The following BCAR3 variants were observed in gnomAD, a reference collection of about 807,000 sequenced individuals.
BCAR3 encodes the protein breast cancer anti-estrogen resistance protein 3.
A neutral mutation model predicts 80.1 loss-of-function variants in BCAR3; 37 were observed. The observed-to-expected ratio is 0.46, with a 90% CI of 0.36 to 0.61. BCAR3 has a LOEUF of 0.61. Ranked by LOEUF, BCAR3 falls within the 20% of genes least tolerant of loss-of-function variation. The pLI is 0.00. For synonymous variants in BCAR3, 389 were observed against 418.9 expected, an observed-to-expected ratio of 0.93 and a Z score of 0.87; for missense variants, 978 against 1,068.2, an observed-to-expected ratio of 0.92 and a Z score of 1.18.
intron 2 of BCAR3, among the ~76,000 whole-genome samples, chr1:93,771,081 A>T (rs766453504): frequency 8.5e-5 from 13 of 152,360 alleles, no homozygotes; most frequent in Middle Eastern, 3.4e-3. Context: ...AATGTTTATT[A>T]AGCATTTACT....
intron 2 of BCAR3, among the ~76,000 whole-genome samples, chr1:93,767,120 A>G (rs17110411): frequency 0.12 from 17,771 of 152,168 alleles, 1,457 homozygotes; most frequent in African/African-American, 0.22. Flanking sequence ...CGAGACTATC[A>G]AGATCCATCT....
chr1:93,733,168 G>A (rs1650853286), intron 2 of BCAR3, among the ~76,000 whole-genome samples: 1 of 152,064 alleles, frequency 6.6e-6, no homozygotes, highest in Admixed American at 6.6e-5. Flanking sequence ...TAAGTGCACT[G>A]AAAACTCCAA....
At chr1:93,845,502 A>ATACATATATATATATCTCATGTTGTCAAG in intron 2 of BCAR3, 1 of 113,822 alleles carries the variant, frequency 8.8e-6, no homozygotes, top group South Asian at 2.6e-4. Flanking sequence ...ATATATATAT[A>ATACATATATATATATCTCATGTTGTCAAG]AAACTTTGTT....
intron 2 of BCAR3, among the ~76,000 whole-genome samples, chr1:93,650,006 A>T (rs1441218621): frequency 4.6e-5 from 7 of 151,782 alleles, no homozygotes; most frequent in Non-Finnish European, 7.4e-5. Context: ...ATGATCCCTT[A>T]AACGAGAACT....
At chr1:93,753,733 G>A (rs190837031) in intron 2 of BCAR3, 1 of 152,308 alleles carries the variant, frequency 6.6e-6, no homozygotes, top group East Asian at 1.9e-4. Context: ...TGCTGGGCTG[G>A]TTTTGGGGTT....
At chr1:93,665,975 C>T (rs1235519642) in intron 2 of BCAR3, among the ~76,000 whole-genome samples, 1 of 152,170 alleles carries the variant, frequency 6.6e-6, no homozygotes, top group South Asian at 2.1e-4. Flanking sequence ...CAAACTATAT[C>T]TCGAATCCAC....
chr1:93,844,707 T>C (rs1655081783), intron 2 of BCAR3, among the ~76,000 whole-genome samples: 2 of 151,678 alleles, frequency 1.3e-5, no homozygotes, highest in South Asian at 2.1e-4. Context: ...TTTCTTCTTT[T>C]TTTTTTTTTT....
At chr1:93,764,906 C>T (rs1652090241) in intron 2 of BCAR3, among the ~76,000 whole-genome samples, 1 of 152,198 alleles carries the variant, frequency 6.6e-6, no homozygotes, top group African/African-American at 2.4e-5. Flanking sequence ...GCCACATCCA[C>T]AGTCCTAGGG....
chr1:93,574,366 G>C (rs1324222408), intron 8 of BCAR3, among the ~76,000 whole-genome samples: 1 of 152,152 alleles, frequency 6.6e-6, no homozygotes, highest in Non-Finnish European at 1.5e-5. Context: ...TGACACATCA[G>C]GACCTCTATA....
chr1:93,816,791 C>G lies in BCAR3; in HGVS notation c.-63+28776G>C, dbSNP rs149114315. Among the ~76,000 whole-genome samples, 15 of 151,466 alleles carry G rather than the reference C, an allele frequency of 9.9e-5. No homozygotes were observed. The East Asian group carries it at 2.9e-3, about 29-fold the overall frequency. On this transcript the variant is annotated intron_variant, in intron 2 of 13. Coordinates refer to the BCAR3 transcript ENST00000370244. ...TTCTTGATTGACAATGTCAAAACAA[C>G]CACCATAGCTAGGAACAAGATATTC...
At chr1:93,651,397 T>C (rs1676322852) in intron 2 of BCAR3, among the ~76,000 whole-genome samples, 2 of 152,248 alleles carry the variant, frequency 1.3e-5, no homozygotes, top group Non-Finnish European at 2.9e-5. Flanking sequence ...GATGGTCCTC[T>C]GTCCAGACTG....
At chr1:93,618,791 GAA>G (rs1675215607) in intron 3 of BCAR3, among the ~76,000 whole-genome samples, 1 of 152,158 alleles carries the variant, frequency 6.6e-6, no homozygotes, top group Non-Finnish European at 1.5e-5. Flanking sequence ...GAGATTCTAT[GAA>G]AGTCATGGGC....
intron 9 of BCAR3, among the ~76,000 whole-genome samples, chr1:93,568,457 G>C (rs1482710116): frequency 6.6e-6 from 1 of 152,150 alleles, no homozygotes; most frequent in African/African-American, 2.4e-5. Context: ...AAATAAACAT[G>C]ATGCAAAGTA....
At chr1:93,783,708 A>G (rs1385171561) in intron 2 of BCAR3, among the ~76,000 whole-genome samples, 1 of 152,242 alleles carries the variant, frequency 6.6e-6, no homozygotes, top group Non-Finnish European at 1.5e-5. Flanking sequence ...GCAAAATTAA[A>G]TAGCATATTG....
At position 93,582,962 on chromosome 1, in the gene BCAR3, G is replaced by A. The variant is rs769724740; in HGVS notation, c.1034-9C>T. On this transcript the variant is annotated splice_polypyrimidine_tract_variant and intron_variant, in intron 6 of 11. Transcript: ENST00000260502. ...AGGTGGCAGCTTGCAGCCTGTGGGG[G>A]ATAAGAAAAGGTCAGAGAAAGCTCA... 2 of 1,573,330 alleles carry A rather than the reference G, an allele frequency of 1.3e-6. No individual in the cohort carries two copies. The highest frequency in any genetic ancestry group is 2.3e-5 in the East Asian group (1 of 44,404).
intron 4 of BCAR3, among the ~76,000 whole-genome samples, chr1:93,590,076 G>T (rs540930727): frequency 2.0e-5 from 3 of 152,286 alleles, no homozygotes; most frequent in Admixed American, 6.5e-5. Flanking sequence ...CAGGACTGGG[G>T]TATAGATTCT....
At chr1:93,723,454 C>T (rs1013101697) in intron 2 of BCAR3, 2 of 152,526 alleles carry the variant, frequency 1.3e-5, no homozygotes, top group East Asian at 3.8e-4. Context: ...GCACTGTGCC[C>T]CTCTCAACCT....
chr1:93,733,377 A>T (rs528109833), intron 2 of BCAR3, among the ~76,000 whole-genome samples: 98 of 152,248 alleles, frequency 6.4e-4, no homozygotes, highest in African/African-American at 2.3e-3. Flanking sequence ...AGTGGGCAGG[A>T]CAGTGGAGGG....
rs954665975 is a variant in BCAR3, at chr1:93,576,252, T to C, written c.1687-123A>G. The C allele has an allele frequency of 5.2e-5, 37 of 709,584 alleles. No homozygotes were observed. In the African/African-American group the frequency reaches 6.3e-4, roughly 12 times the overall value. The allele number at this position is 709,584 out of a possible 1,614,324, so 44.0% of individuals were successfully genotyped here. A position where few individuals can be genotyped will look rare whatever the true frequency, so the allele number is the denominator to read the frequency against. ...GTGGACACTTTATGAGTTACATTTC[T>C]TTATAAGCAGCTGCTGACAATGCTG... On this transcript the variant is annotated intron_variant, in intron 7 of 11. Coordinates refer to ENST00000260502, the MANE Select transcript of BCAR3 (RefSeq NM_003567.4).
Sources: allele counts gnomAD v4.1 joint callset (sites outside exome capture counted in the v4.1 genomes callset), GRCh38; gene constraint gnomAD v4.1.1; transcripts MANE v1.5; gene names NCBI Gene and HGNC (gene_info 2026-07-23, HGNC 2026-07-21).